Variants in ELOVL5 observed in about 807,000 individuals in gnomAD.
ELOVL5 encodes the protein ELOVL fatty acid elongase 5, also known as very long chain fatty acid elongase 5.
Under a neutral mutation model 38.6 loss-of-function variants are expected in ELOVL5, and 8 were observed. The ratio of observed to expected loss-of-function variants is 0.21; its 90% CI spans 0.12 to 0.37. ELOVL5 has a LOEUF of 0.37. Among genes scored for constraint, ELOVL5 ranks in the 10% least tolerant of loss-of-function variants. The pLI is 1.00. For missense variants in ELOVL5, 280 were observed against 367.8 expected (o/e 0.76, Z 1.95); for synonymous variants, 127 against 133.7 (o/e 0.95, Z 0.34).
chr6:53,289,669 G>A (rs994122229), intron 3 of ELOVL5, among the ~76,000 whole-genome samples: 8 of 152,068 alleles, frequency 5.3e-5, no homozygotes, highest in East Asian at 1.9e-4. Flanking sequence ...GCAGTGAGCC[G>A]AGATGGCGCC....
chr6:53,321,159 A>T (rs1165210839), intron 1 of ELOVL5, among the ~76,000 whole-genome samples: 1 of 152,216 alleles, frequency 6.6e-6, no homozygotes, highest in Non-Finnish European at 1.5e-5. Flanking sequence ...GTATGAAGCA[A>T]GAGGTCATAC....
In ELOVL5 at chr6:53,330,871, T is replaced by C. The variant is rs780749058; in HGVS notation, c.-9+17946A>G. ...AGAAACACACACATTAGCCTAGGCC[T>C]ACTCAGGATCTTCAATATCACTGTC... On this transcript the variant is annotated intron_variant, in intron 1 of 7. Transcript: ENST00000304434. Among the ~76,000 whole-genome samples the C allele has an allele frequency of 3.7e-4, 56 of 152,294 alleles. No individual in the cohort carries two copies. The Middle Eastern group carries it at 0.017, about 47-fold the overall frequency.
intron 1 of ELOVL5, among the ~76,000 whole-genome samples, chr6:53,316,388 T>C (rs1561883636): frequency 6.6e-6 from 1 of 151,954 alleles, no homozygotes; most frequent in African/African-American, 2.4e-5. Flanking sequence ...TGGGGACCAG[T>C]GGGTCAGGTG....
intron 1 of ELOVL5, among the ~76,000 whole-genome samples, chr6:53,321,326 T>C (rs868787947): frequency 1.3e-5 from 2 of 152,344 alleles, no homozygotes. Flanking sequence ...TTGGATCATT[T>C]ACCTGCATGA....
At chr6:53,338,824 T>G (rs2127594086) in intron 1 of ELOVL5, among the ~76,000 whole-genome samples, 1 of 152,324 alleles carries the variant, frequency 6.6e-6, no homozygotes, top group East Asian at 1.9e-4. Context: ...CAAAATAAAT[T>G]ATCATTTGAG....
chr6:53,299,913 A>C (rs1346696689), intron 1 of ELOVL5, among the ~76,000 whole-genome samples: 1 of 152,242 alleles, frequency 6.6e-6, no homozygotes, highest in African/African-American at 2.4e-5. Flanking sequence ...ATATATTGAA[A>C]GAGCCAACAA....
chr6:53,344,591 C>T (rs918686533), intron 1 of ELOVL5, among the ~76,000 whole-genome samples: 2 of 152,210 alleles, frequency 1.3e-5, no homozygotes, highest in Non-Finnish European at 2.9e-5. Context: ...AGTGTCTAAA[C>T]TCTGGGCCTT....
chr6:53,292,612 A>C (rs1259818373), intron 2 of ELOVL5, among the ~76,000 whole-genome samples: 1 of 152,194 alleles, frequency 6.6e-6, no homozygotes, highest in East Asian at 1.9e-4. Flanking sequence ...CCAACATGGC[A>C]AAACACTATC....
intron 3 of ELOVL5, among the ~76,000 whole-genome samples, chr6:53,280,223 C>G (rs534391953): frequency 1.3e-5 from 2 of 152,162 alleles, no homozygotes; most frequent in Non-Finnish European, 2.9e-5. Context: ...AGAATCAGAT[C>G]GAAAGAGGAC....
At chr6:53,276,493 T>C (rs79869027) in intron 3 of ELOVL5, among the ~76,000 whole-genome samples, 1,532 of 152,286 alleles carry the variant, frequency 0.01, 13 homozygotes, top group Middle Eastern at 0.024. Context: ...CTCAGAGACC[T>C]TCCTTTACCA....
intron 1 of ELOVL5, among the ~76,000 whole-genome samples, chr6:53,324,252 C>A (rs1183238287): frequency 3.2e-4 from 35 of 110,350 alleles, no homozygotes; most frequent in Admixed American, 1.2e-3. Context: ...GACTCTACCT[C>A]AAAAAAAAAA....
intron 6 of ELOVL5, among the ~76,000 whole-genome samples, chr6:53,272,330 CCTCA>C (rs1765957559): frequency 6.6e-6 from 1 of 152,054 alleles, no homozygotes; most frequent in African/African-American, 2.4e-5. Flanking sequence ...AGAGACAGGG[CCTCA>C]CTATGTTCCC....
chr6:53,283,517 T>A lies in ELOVL5; in HGVS notation c.247-7261A>T, dbSNP rs564875990. On this transcript the variant is annotated intron_variant, in intron 3 of 7. Coordinates refer to ENST00000304434, the MANE Select transcript of ELOVL5 (RefSeq NM_021814.5). ...CACAGCAAATGGTTAAATTTGGAGA[T>A]CACTGTCATCTAATCTATATCACTG... Among the ~76,000 whole-genome samples the A allele has an allele frequency of 3.3e-5, 5 of 152,310 alleles. No homozygotes were observed. In the East Asian group the frequency reaches 5.8e-4, roughly 18 times the overall value.
chr6:53,294,312 C>A (rs1192653035), intron 2 of ELOVL5: 2 of 1,572,634 alleles, frequency 1.3e-6, no homozygotes, highest in East Asian at 2.3e-5. Flanking sequence ...GCAATTGTGG[C>A]CAGTGAGTTT....
At chr6:53,348,512 G>A (rs905261234) in intron 1 of ELOVL5, among the ~76,000 whole-genome samples, 3 of 152,182 alleles carry the variant, frequency 2.0e-5, no homozygotes, top group African/African-American at 4.8e-5. Context: ...GCCTGTCAGC[G>A]CGCACAGGTG....
chr6:53,322,307 T>C (rs915440267), intron 1 of ELOVL5, among the ~76,000 whole-genome samples: 3 of 152,214 alleles, frequency 2.0e-5, no homozygotes, highest in Non-Finnish European at 2.9e-5. Context: ...GTAAGAAGAC[T>C]CTTCCAGTTG....
chr6:53,317,164 T>C (rs981715115), intron 1 of ELOVL5, among the ~76,000 whole-genome samples: 1 of 152,180 alleles, frequency 6.6e-6, no homozygotes, highest in Non-Finnish European at 1.5e-5. Flanking sequence ...CTTCAGGAGG[T>C]TGAATTATTT....
intron 1 of ELOVL5, among the ~76,000 whole-genome samples, chr6:53,314,124 ATATTGAGAATTGGG>A (rs1256082401): frequency 6.6e-6 from 1 of 152,268 alleles, no homozygotes; most frequent in African/African-American, 2.4e-5. Flanking sequence ...TAAAGGTGAA[ATATTGAGAATTGGG>A]TCCTAAGGTG....
intron 1 of ELOVL5, among the ~76,000 whole-genome samples, chr6:53,346,942 A>T (rs973677875): frequency 6.6e-6 from 1 of 152,228 alleles, no homozygotes; most frequent in Non-Finnish European, 1.5e-5. Context: ...TCAAACCACC[A>T]TTTGGCAGAC....
Sources: allele counts gnomAD v4.1 joint callset (sites outside exome capture counted in the v4.1 genomes callset), GRCh38; gene constraint gnomAD v4.1.1; transcripts MANE v1.5; gene names NCBI Gene and HGNC (gene_info 2026-07-23, HGNC 2026-07-21).